SLCO4A1: variants seen among roughly 807,000 people sequenced by gnomAD.
SLCO4A1 encodes the protein colon organic anion transporter.
A neutral mutation model predicts 64.6 loss-of-function variants in SLCO4A1; 51 were observed. That is an observed-to-expected ratio of 0.79 (90% CI 0.63 to 1.00). SLCO4A1 has a LOEUF of 1.00. Ranked by LOEUF, SLCO4A1 falls within the 50% of genes least tolerant of loss-of-function variation. SLCO4A1 has a pLI of 0.00. For missense variants in SLCO4A1, 919 were observed against 980.5 expected, an observed-to-expected ratio of 0.94 and a Z score of 0.84; for synonymous variants, 471 against 444.9, an observed-to-expected ratio of 1.06 and a Z score of -0.74.
In SLCO4A1 at chr20:62,685,270, G is replaced by A. The variant is rs1403184962; in HGVS notation, n.212-171G>A. Among the ~76,000 whole-genome samples the A allele has an allele frequency of 6.7e-6, 1 of 149,888 alleles. No homozygotes were observed. Among genetic ancestry groups the A allele is most frequent in the East Asian group, 2.0e-4 (1 of 5,054 alleles). On this transcript the variant is annotated intron_variant and non_coding_transcript_variant, in intron 2 of 2. Coordinates refer to the SLCO4A1 transcript ENST00000466818. This position sits in a 1 kb window ranked among gnomAD's most constrained non-coding sequence, Gnocchi z 4.6. ...GGAGGAGGGGGGTGGTGGGGAGTGG[G>A]GGCTGGGTCGGGGCTGGGCCCTGGC...
At chr20:62,643,255 G>A (rs552261313) in intron 1 of SLCO4A1, 37 of 335,700 alleles carry the variant, frequency 1.1e-4, no homozygotes, top group Middle Eastern at 1.1e-3. Context: ...AGGGTCGGGT[G>A]CCCTCGCGTT....
At position 62,657,072 on chromosome 20, in the gene SLCO4A1, GA is replaced by G; in HGVS notation, c.619del (p.Thr207ArgfsTer75). ...YEVELDAGVRTCPANPGAVCA... is the reference protein window; with the variant it reads ...YEVELDAGVRXCPANPGAVCA... ...AGGTGGAGTTGGACGCGGGTGTCAG[GA>G]CGTGCCCTGCCAACCCCGGCGCGGT... On this transcript the variant is annotated frameshift_variant, in exon 2 of 12. Coordinates refer to ENST00000217159, the MANE Select transcript of SLCO4A1 (RefSeq NM_016354.4). LOFTEE classifies it high-confidence loss of function. 1 of 1,602,774 alleles carries G rather than the reference GA, an allele frequency of 6.2e-7. No individual in the cohort carries two copies. The highest frequency in any genetic ancestry group is 8.5e-7 in the Non-Finnish European group (1 of 1,175,354).
chr20:62,668,438 C>T lies in SLCO4A1; in HGVS notation c.1812-39C>T, dbSNP rs368217843. ...TAGGGGGTGACTTGGCATGCAACCC[C>T]ACTTCTGTGGGTGCTGACGCTGTGG... On this transcript the variant is annotated intron_variant, in intron 9 of 11. Coordinates refer to ENST00000217159, the MANE Select transcript of SLCO4A1 (RefSeq NM_016354.4). The T allele has an allele frequency of 1.2e-5, 19 of 1,608,904 alleles. No individual in the cohort carries two copies. The African/African-American group carries it at 1.9e-4, about 16-fold the overall frequency.
chr20:62,681,427 T>C (rs1987817395), intron 2 of SLCO4A1, among the ~76,000 whole-genome samples: 1 of 151,552 alleles, frequency 6.6e-6, no homozygotes, highest in Admixed American at 6.6e-5. Context: ...TTAAGCCTTG[T>C]GTACACACTC....
At chr20:62,652,075 C>A (rs1329674544) in intron 1 of SLCO4A1, 2 of 149,014 alleles carry the variant, frequency 1.3e-5, no homozygotes, top group Non-Finnish European at 3.0e-5. Context: ...CTCGGCCCCC[C>A]TCCCCGTGCC....
intron 2 of SLCO4A1, among the ~76,000 whole-genome samples, chr20:62,679,489 G>A (rs1987734687): frequency 6.6e-6 from 1 of 152,022 alleles, no homozygotes; most frequent in Non-Finnish European, 1.5e-5. Flanking sequence ...AGCCTCCCAG[G>A]TAGCTGGAAG....
chr20:62,686,944 G>T (rs991912521), downstream of SLCO4A1, among the ~76,000 whole-genome samples: 1 of 148,950 alleles, frequency 6.7e-6, no homozygotes, highest in Non-Finnish European at 1.5e-5. Flanking sequence ...CAATGGGAAA[G>T]GGCACCCCCA....
chr20:62,661,523 C>T lies in SLCO4A1; in HGVS notation c.1121+348C>T, dbSNP rs527687126. On this transcript the variant is annotated intron_variant, in intron 5 of 11. Coordinates refer to ENST00000217159, the MANE Select transcript of SLCO4A1 (RefSeq NM_016354.4). The surrounding 1 kb of genome is among the most constrained non-coding windows in gnomAD (Gnocchi z 5.2). ...TCCCTTCCACACCAGCAAGTCTCCC[C>T]GTGGCCTGTGTGTCCCGGGGTCCCC... 2.0e-4 allele frequency among the ~76,000 whole-genome samples: 30 copies of T among 152,236 alleles called. No individual in the cohort carries two copies. Among genetic ancestry groups the T allele is most frequent in the Middle Eastern group, 6.8e-3 (2 of 294 alleles).
chr20:62,664,227 G>T (rs1985643502), intron 5 of SLCO4A1, among the ~76,000 whole-genome samples: 1 of 152,066 alleles, frequency 6.6e-6, no homozygotes, highest in African/African-American at 2.4e-5. Flanking sequence ...CCAGGCCCAT[G>T]CACCAAGGAC....
intron 1 of SLCO4A1, among the ~76,000 whole-genome samples, chr20:62,652,357 G>C (rs1035736227): frequency 1.3e-5 from 2 of 152,286 alleles, no homozygotes; most frequent in Non-Finnish European, 2.9e-5. Context: ...GGGAGTCTGC[G>C]TGGCTCTGAG....
chr20:62,674,108 C>T (rs546999559), downstream of SLCO4A1, among the ~76,000 whole-genome samples: 2 of 152,196 alleles, frequency 1.3e-5, no homozygotes, highest in Non-Finnish European at 2.9e-5. Flanking sequence ...GAGACCATTT[C>T]GGCGGATGCC....
downstream of SLCO4A1, among the ~76,000 whole-genome samples, chr20:62,676,421 AAAT>A (rs796389503): frequency 1.9e-3 from 283 of 152,344 alleles, no homozygotes; most frequent in African/African-American, 6.2e-3. Context: ...CTCTTTCTCA[AAAT>A]AATAATAAGA....
Position 62,661,073 on chromosome 20 carries a change from G to T in SLCO4A1, c.1019G>T (p.Arg340Leu), listed in dbSNP as rs747902473. 5 of 1,556,940 alleles carry T rather than the reference G, an allele frequency of 3.2e-6. No individual in the cohort carries two copies. Among genetic ancestry groups the T allele is most frequent in the East Asian group, 4.9e-5 (2 of 40,826 alleles). The change falls in exon 5 of 12, where the codon CGC becomes CTC. Residue 340 changes from arginine to leucine, a missense_variant. Transcript: ENST00000217159. This position sits in a 1 kb window ranked among gnomAD's most constrained non-coding sequence, Gnocchi z 5.2. ...GYPRQLPGSQ[R>L]YAVMRAAEMH... ...CTCTGTGCCCTTCCAGGCTCCCAGC[G>T]CTACGCGGTCATGAGAGCGGCGGAA...
chr20:62,661,041 C>CCCCCCCCCCCCCCCCCCCCACAA lies in SLCO4A1; in HGVS notation c.1010-23_1010-22insCCCCCCCCCCCCCCCCCCCACAA. 7.0e-7 allele frequency: 1 copy of CCCCCCCCCCCCCCCCCCCCACAA among 1,424,144 alleles called. No individual in the cohort carries two copies. Among genetic ancestry groups the CCCCCCCCCCCCCCCCCCCCACAA allele is most frequent in the Non-Finnish European group, 9.9e-7 (1 of 1,010,142 alleles). 88.2% of individuals were successfully genotyped at this position (1,424,144 alleles called of 1,614,324 possible). A position where few individuals can be genotyped will look rare whatever the true frequency, so the allele number is the denominator to read the frequency against. ...TCCGGGAGCCCCCAGCCCCCAGCCC[C>CCCCCCCCCCCCCCCCCCCCACAA]AGCTCACTCTGTGCCCTTCCAGGCT... On this transcript the variant is annotated intron_variant, in intron 4 of 11. Transcript: ENST00000217159. The surrounding 1 kb of genome is among the most constrained non-coding windows in gnomAD (Gnocchi z 5.2).
At chr20:62,688,166 C>T (rs1256577585), downstream of SLCO4A1, among the ~76,000 whole-genome samples, 3 of 152,186 alleles carry the variant, frequency 2.0e-5, no homozygotes, top group African/African-American at 7.2e-5. Context: ...CTGACTCACA[C>T]GCCACCCCAT....
At chr20:62,668,298 CCTGT>C (rs1311566852) in intron 9 of SLCO4A1, 114 bp downstream of exon 9, 6 of 1,339,932 alleles carry the variant, frequency 4.5e-6, no homozygotes, top group East Asian at 2.3e-5. Context: ...TCTAAGCGGG[CCTGT>C]CTGTCACTGG....
chr20:62,663,771 C>T (rs1407875359), intron 5 of SLCO4A1, among the ~76,000 whole-genome samples: 1 of 152,178 alleles, frequency 6.6e-6, no homozygotes. Context: ...GAGCTTTGCC[C>T]AGTCTGGGTG....
chr20:62,659,259 GAGAC>G (rs898398980), intron 3 of SLCO4A1, among the ~76,000 whole-genome samples: 23 of 152,146 alleles, frequency 1.5e-4, no homozygotes, highest in African/African-American at 5.6e-4. Flanking sequence ...CAGGCAGAGA[GAGAC>G]AGAGACAGAT....
chr20:62,677,278 A>G (rs80251569), downstream of SLCO4A1, among the ~76,000 whole-genome samples: 2,694 of 152,326 alleles, frequency 0.018, 79 homozygotes, highest in African/African-American at 0.06. Context: ...AAGGGTGAAT[A>G]TTTGGGGATG....
Sources: allele counts gnomAD v4.1 joint callset (sites outside exome capture counted in the v4.1 genomes callset), GRCh38; gene constraint gnomAD v4.1.1; non-coding constraint Gnocchi (gnomAD v3.1); transcripts MANE v1.5; gene names NCBI Gene and HGNC (gene_info 2026-07-23, HGNC 2026-07-21).